CDHR1: variants seen among roughly 807,000 people sequenced by gnomAD.
CDHR1 encodes the protein cadherin related family member 1.
CDHR1 carries 61 observed loss-of-function variants against 72.1 expected under a neutral mutation model. The ratio of observed to expected loss-of-function variants is 0.85; its 90% CI spans 0.69 to 1.05. The LOEUF (loss-of-function observed/expected upper bound fraction) is 1.05, where lower values mean the gene tolerates loss of function less well. Ranked by LOEUF, CDHR1 falls within the 50% of genes least tolerant of loss-of-function variation. The pLI, the probability that CDHR1 is intolerant of heterozygous loss-of-function variation, is 0.00. For synonymous variants in CDHR1, 470 were observed against 448.1 expected (o/e 1.05, Z -0.62); for missense variants, 1,186 against 1,115.7 (o/e 1.06, Z -0.90).
chr10:84,194,539 T>A lies in CDHR1; in HGVS notation c.-222T>A, dbSNP rs1841991704. 2.2e-6 allele frequency: 1 copy of A among 448,182 alleles called. No homozygotes were observed. Among genetic ancestry groups the A allele is most frequent in the Non-Finnish European group, 3.9e-6 (1 of 256,756 alleles). The allele number at this position is 448,182 out of a possible 1,614,324, so 27.8% of individuals were successfully genotyped here. ...AGCCTGTCGCTCCGCTCTGCGCCGC[T>A]AATTGGTCTCGTCAGGCGGCCGGCA... On this transcript the variant is annotated 5_prime_UTR_variant, in exon 1 of 17. Coordinates refer to ENST00000623527, the MANE Select transcript of CDHR1 (RefSeq NM_033100.4).
chr10:84,217,709 C>G lies in CDHR1; in HGVS notation c.*3088C>G, dbSNP rs1842447508. On this transcript the variant is annotated 3_prime_UTR_variant, in exon 17 of 17. Coordinates refer to ENST00000623527, the MANE Select transcript of CDHR1 (RefSeq NM_033100.4). The stretch of plus-strand genomic sequence containing the variant: ...GGACCCCCTCCATGCATCCTCACCC[C>G]CCAGGATGTTTCCACCCACCTGTAG... 1.0e-6 allele frequency: 1 copy of G among 985,406 alleles called. No individual in the cohort carries two copies. Among genetic ancestry groups the G allele is most frequent in the African/African-American group, 1.7e-5 (1 of 57,236 alleles). The allele number at this position is 985,406 out of a possible 1,614,324, so 61.0% of individuals were successfully genotyped here.
Position 84,207,285 on chromosome 10 carries a change from A to T in CDHR1, c.964-889A>T, listed in dbSNP as rs185087060. Reference sequence around the variant, plus strand: ...AGGAGGAGAGGGGCAGGTAAAGGAAACCCAGGAGGGATCAGAGAGGTTGAG... The same window carrying T: ...AGGAGGAGAGGGGCAGGTAAAGGAATCCCAGGAGGGATCAGAGAGGTTGAG... On this transcript the variant is annotated intron_variant, in intron 10 of 16. Coordinates refer to ENST00000623527, the MANE Select transcript of CDHR1 (RefSeq NM_033100.4). Among the ~76,000 whole-genome samples the T allele has an allele frequency of 2.4e-3, 366 of 152,178 alleles. 1 individual carries two copies. Among genetic ancestry groups the T allele is most frequent in the South Asian group, 0.018 (85 of 4,806 alleles).
downstream of CDHR1, chr10:84,219,096 C>CATGAA: frequency 1.7e-6 from 2 of 1,164,688 alleles, no homozygotes; most frequent in Non-Finnish European, 2.5e-6. Flanking sequence ...GACTAAGGTA[C>CATGAA]ATGAAAAATA....
intron 5 of CDHR1, among the ~76,000 whole-genome samples, chr10:84,199,487 A>C (rs991709065): frequency 3.3e-5 from 5 of 152,190 alleles, no homozygotes; most frequent in African/African-American, 1.2e-4. Flanking sequence ...ATTATACTAA[A>C]CATATGCTTC....
chr10:84,203,956 T>G (rs1842177517), intron 8 of CDHR1, among the ~76,000 whole-genome samples: 1 of 151,498 alleles, frequency 6.6e-6, no homozygotes, highest in South Asian at 2.1e-4. Context: ...AGCCTGGAGT[T>G]GACCAGAGAG....
intron 1 of CDHR1, 130 bp from the exon 2 acceptor site, chr10:84,195,364 G>A: frequency 1.2e-6 from 1 of 844,960 alleles, no homozygotes; most frequent in Non-Finnish European, 2.0e-6. Context: ...GGTGCACTTG[G>A]GTTGGGGAGG....
chr10:84,212,418 G>A lies in CDHR1; in HGVS notation c.1782+11G>A. Reference sequence around the variant, plus strand: ...CCAGTGAAAATTGAGGTAAGTTTTGGAGGCAGCTGAGCTCCCCTAAAAGCC... The same window carrying A: ...CCAGTGAAAATTGAGGTAAGTTTTGAAGGCAGCTGAGCTCCCCTAAAAGCC... On this transcript the variant is annotated intron_variant, in intron 15 of 16. Transcript: ENST00000623527. 6.2e-7 allele frequency: 1 copy of A among 1,606,342 alleles called. No homozygotes were observed. The highest frequency in any genetic ancestry group is 8.5e-7 in the Non-Finnish European group (1 of 1,172,888).
chr10:84,202,996 T>G lies in CDHR1; in HGVS notation c.656T>G (p.Leu219Arg). 1 of 1,614,186 alleles carries G rather than the reference T, an allele frequency of 6.2e-7. No individual in the cohort carries two copies. Among genetic ancestry groups the G allele is most frequent in the Non-Finnish European group, 8.5e-7 (1 of 1,180,034 alleles). Residue 219 changes from leucine to arginine, a missense_variant, in exon 8 of 17, where the codon CTT becomes CGT. Transcript: ENST00000623527. ...TVVAKDGGGR[L>R]HGADVVFSAT... Reference sequence around the variant, plus strand: ...CTTCTGCAGGATGGCGGTGGGAGGCTTCATGGGGCTGATGTGGTGTTCTCA... The same window carrying G: ...CTTCTGCAGGATGGCGGTGGGAGGCGTCATGGGGCTGATGTGGTGTTCTCA...
chr10:84,204,496 A>T (rs1336468017), intron 8 of CDHR1, 31 bp from the exon 9 acceptor site: 3 of 1,522,982 alleles, frequency 2.0e-6, no homozygotes, highest in Non-Finnish European at 2.7e-6. Context: ...CATATTGCCC[A>T]TCAGGCAGCG....
chr10:84,197,447 G>A (rs1005222436), intron 3 of CDHR1, among the ~76,000 whole-genome samples: 11 of 152,158 alleles, frequency 7.2e-5, no homozygotes, highest in African/African-American at 2.7e-4. Flanking sequence ...AAAAGAAAGA[G>A]GAAAAGTCTT....
chr10:84,198,509 G>C (rs1477898705), intron 4 of CDHR1, among the ~76,000 whole-genome samples: 1 of 152,162 alleles, frequency 6.6e-6, no homozygotes, highest in African/African-American at 2.4e-5. Context: ...CTTTGCCTTT[G>C]CACATACAAC....
chr10:84,199,013 C>T lies in CDHR1; in HGVS notation c.349-19C>T, dbSNP rs1304771126. The T allele has an allele frequency of 1.3e-6, 2 of 1,547,594 alleles. No individual in the cohort carries two copies. Among genetic ancestry groups the T allele is most frequent in the Admixed American group, 2.0e-5 (1 of 50,980 alleles). Reference sequence around the variant, plus strand: ...AAGGTCTCATTGCACTGGCTCTTGACCCCTCTGCCCCTTCTCAGGTGGCCG... The same window carrying T: ...AAGGTCTCATTGCACTGGCTCTTGATCCCTCTGCCCCTTCTCAGGTGGCCG... On this transcript the variant is annotated intron_variant, in intron 4 of 16. Coordinates refer to ENST00000623527, the MANE Select transcript of CDHR1 (RefSeq NM_033100.4).
At chr10:84,219,435 C>A, downstream of CDHR1, 2 of 1,225,772 alleles carry the variant, frequency 1.6e-6, no homozygotes, top group Non-Finnish European at 2.2e-6. Flanking sequence ...TCATCCTGAC[C>A]CCTCTGTCTC....
At chr10:84,213,702 C>G (rs1842378238) in intron 16 of CDHR1, among the ~76,000 whole-genome samples, 1 of 152,148 alleles carries the variant, frequency 6.6e-6, no homozygotes, top group Admixed American at 6.5e-5. Flanking sequence ...CCTGATACAT[C>G]TGGGCAGATG....
Position 84,215,085 on chromosome 10 carries a change from G to C in CDHR1, c.*464G>C. The C allele has an allele frequency of 2.8e-6, 3 of 1,059,846 alleles. No homozygotes were observed. The highest frequency in any genetic ancestry group is 3.4e-6 in the Non-Finnish European group (3 of 874,570). The allele number at this position is 1,059,846 out of a possible 1,614,324, so 65.7% of individuals were successfully genotyped here. On this transcript the variant is annotated 3_prime_UTR_variant, in exon 17 of 17. Coordinates refer to ENST00000623527, the MANE Select transcript of CDHR1 (RefSeq NM_033100.4). ...CAGCTGAGAGCAGGAGCAGGAAAAGGAGGCTCAGCACTGTCTCAGGCTGGA... is the reference window on the plus strand; with the variant it reads ...CAGCTGAGAGCAGGAGCAGGAAAAGCAGGCTCAGCACTGTCTCAGGCTGGA...
Position 84,215,800 on chromosome 10 carries a change from T to C in CDHR1, c.*1179T>C. 3.0e-6 allele frequency: 3 copies of C among 985,528 alleles called. No homozygotes were observed. The highest frequency in any genetic ancestry group is 3.6e-6 in the Non-Finnish European group (3 of 829,998). 61.0% of individuals were successfully genotyped at this position (985,528 alleles called of 1,614,324 possible). A position where few individuals can be genotyped will look rare whatever the true frequency, so the allele number is the denominator to read the frequency against. Reference sequence around the variant, plus strand: ...CAGGCACTGTGCTGGGCTTAGGGGCTACCACTGGATGATGGCATTGCCGTG... The same window carrying C: ...CAGGCACTGTGCTGGGCTTAGGGGCCACCACTGGATGATGGCATTGCCGTG... On this transcript the variant is annotated 3_prime_UTR_variant, in exon 17 of 17. Transcript: ENST00000623527.
Position 84,214,286 on chromosome 10 carries a change from C to G in CDHR1, c.2245C>G (p.Arg749Gly). ...VLRKRPSPAP[R>G]TIRIEWLKSK... ...CCGCAAGCGGCCCAGCCCTGCGCCC[C>G]GCACCATCCGCATTGAGTGGCTCAA... The change falls in exon 17 of 17, where the codon CGC becomes GGC. Residue 749 changes from arginine (R) to glycine (G), a missense_variant. By Grantham distance (125) the Arg-to-Gly change is moderately radical. Transcript: ENST00000623527. 6.2e-7 allele frequency: 1 copy of G among 1,613,902 alleles called. No homozygotes were observed. Among genetic ancestry groups the G allele is most frequent in the Non-Finnish European group, 8.5e-7 (1 of 1,180,040 alleles).
At chr10:84,197,990 G>A (rs1842058338) in intron 4 of CDHR1, among the ~76,000 whole-genome samples, 154 bp downstream of exon 4, 1 of 152,154 alleles carries the variant, frequency 6.6e-6, no homozygotes, top group South Asian at 2.1e-4. Flanking sequence ...CCACAGGAGA[G>A]GGCTGCAGCA....
chr10:84,212,147 G>A, intron 14 of CDHR1, 32 bp from the exon 15 acceptor site: 1 of 1,551,866 alleles, frequency 6.4e-7, no homozygotes, highest in African/African-American at 1.4e-5. Context: ...GTATATGCGT[G>A]CACACCCATG....
Sources: allele counts gnomAD v4.1 joint callset (sites outside exome capture counted in the v4.1 genomes callset), GRCh38; gene constraint gnomAD v4.1.1; transcripts MANE v1.5; gene names NCBI Gene and HGNC (gene_info 2026-07-23, HGNC 2026-07-21).